Variants in ILRUN observed in about 807,000 individuals in gnomAD.
The protein encoded by ILRUN is protein ILRUN.
ILRUN carries 3 observed loss-of-function variants against 33.8 expected under a neutral mutation model. The ratio of observed to expected loss-of-function variants is 0.09; its 90% CI spans 0.04 to 0.23. The LOEUF (loss-of-function observed/expected upper bound fraction) is 0.23. ILRUN is among the 10% of genes least tolerant of loss of function. ILRUN has a pLI of 1.00. For missense variants in ILRUN, 210 were observed against 375.1 expected (o/e 0.56, Z 3.64); for synonymous variants, 124 against 138.9 (o/e 0.89, Z 0.75).
intron 3 of ILRUN, among the ~76,000 whole-genome samples, chr6:34,641,104 A>G (rs1422166946): frequency 6.7e-6 from 1 of 149,094 alleles, no homozygotes; most frequent in Non-Finnish European, 1.5e-5. Flanking sequence ...AAAACAAATT[A>G]TAGAAACAAC....
intron 3 of ILRUN, among the ~76,000 whole-genome samples, chr6:34,640,052 G>A (rs143162407): frequency 2.6e-5 from 4 of 151,868 alleles, no homozygotes; most frequent in Admixed American, 2.6e-4. Context: ...TATCAAAATC[G>A]AGGAAAAAAA....
At chr6:34,605,049 G>A in intron 4 of ILRUN, among the ~76,000 whole-genome samples, 1 of 152,208 alleles carries the variant, frequency 6.6e-6, no homozygotes, top group East Asian at 1.9e-4. Flanking sequence ...GCTCACGCCT[G>A]TAATCCCAAC....
At chr6:34,639,458 T>C (rs938631512) in intron 3 of ILRUN, among the ~76,000 whole-genome samples, 3 of 152,194 alleles carry the variant, frequency 2.0e-5, no homozygotes, top group African/African-American at 7.2e-5. Context: ...TAGTAGGAGA[T>C]GAAGCATATT....
chr6:34,627,390 G>T (rs1473677815), intron 3 of ILRUN, among the ~76,000 whole-genome samples: 3 of 152,298 alleles, frequency 2.0e-5, no homozygotes, highest in East Asian at 3.9e-4. Flanking sequence ...TTGTGTGAAT[G>T]TAAGTTTTCA....
At chr6:34,617,613 A>T (rs1394764511) in intron 3 of ILRUN, among the ~76,000 whole-genome samples, 1 of 152,140 alleles carries the variant, frequency 6.6e-6, no homozygotes, top group Non-Finnish European at 1.5e-5. Flanking sequence ...GCTCCAGTTC[A>T]TCAGCTTCTC....
chr6:34,694,865 T>C (rs1041259030), intron 1 of ILRUN, among the ~76,000 whole-genome samples: 3 of 151,880 alleles, frequency 2.0e-5, no homozygotes, highest in African/African-American at 7.3e-5. Context: ...CTGACCAATA[T>C]GGTGAAACCC....
At chr6:34,687,131 T>A (rs780952343) in intron 1 of ILRUN, 1 of 154,224 alleles carries the variant, frequency 6.5e-6, no homozygotes, top group Non-Finnish European at 1.4e-5. Context: ...TATTTTATTA[T>A]GAAGACAATA....
chr6:34,693,674 T>A (rs1202079285), intron 1 of ILRUN, among the ~76,000 whole-genome samples: 4 of 148,860 alleles, frequency 2.7e-5, no homozygotes, highest in Non-Finnish European at 6.0e-5. Context: ...TTTATTTTAT[T>A]TTTTTTTTTT....
In ILRUN at chr6:34,676,998, TAAAA is replaced by T. The variant is rs3044899; in HGVS notation, c.158+19444_158+19447del. Reference sequence around the variant, plus strand: ...AAATACATGGGTTTTATGTCACAATTAAAAAAAAAAAAAAAAAAGAATTGAAGGC... The same window carrying T: ...AAATACATGGGTTTTATGTCACAATTAAAAAAAAAAAAAAGAATTGAAGGC... On this transcript the variant is annotated intron_variant, in intron 1 of 4. Coordinates refer to ENST00000374023, the MANE Select transcript of ILRUN (RefSeq NM_024294.4). Among the ~76,000 whole-genome samples the T allele has an allele frequency of 8.8e-3, 1,151 of 131,236 alleles. 20 individuals carry two copies. The highest frequency in any genetic ancestry group is 0.028 in the African/African-American group (1,059 of 37,240). The allele number at this position is 131,236 out of a possible 152,430, so 86.1% of individuals were successfully genotyped here.
rs202177741 is a variant in ILRUN at position 34,683,429 on chromosome 6, CATAT to C, written c.158+13013_158+13016del. On this transcript the variant is annotated intron_variant, in intron 1 of 4. Transcript: ENST00000374023. ...ATACATATATATATACATATATATA[CATAT>C]ATATATACATATATATATACATATA... 1.1e-3 allele frequency among the ~76,000 whole-genome samples: 105 copies of C among 92,064 alleles called. 1 individual carries two copies. The highest frequency in any genetic ancestry group is 4.5e-3 in the East Asian group (18 of 4,040). 60.4% of individuals were successfully genotyped at this position (92,064 alleles called of 152,430 possible). A position where few individuals can be genotyped will look rare whatever the true frequency, so the allele number is the denominator to read the frequency against.
intron 1 of ILRUN, among the ~76,000 whole-genome samples, chr6:34,657,862 A>G (rs979021235): frequency 6.6e-6 from 1 of 152,220 alleles, no homozygotes; most frequent in Non-Finnish European, 1.5e-5. Flanking sequence ...GTAATTCTTC[A>G]TGAAATGGAG....
intron 4 of ILRUN, among the ~76,000 whole-genome samples, chr6:34,591,657 G>A (rs760989134): frequency 3.9e-5 from 6 of 152,060 alleles, no homozygotes; most frequent in Non-Finnish European, 7.4e-5. Context: ...CCGCCAACAC[G>A]CCTGGCTAAT....
intron 3 of ILRUN, among the ~76,000 whole-genome samples, chr6:34,637,211 T>C (rs1011402115): frequency 2.0e-5 from 3 of 152,184 alleles, no homozygotes; most frequent in East Asian, 3.8e-4. Context: ...ACTTTAACTA[T>C]ATCTGGCCTA....
intron 3 of ILRUN, among the ~76,000 whole-genome samples, chr6:34,610,453 T>A (rs1044403322): frequency 3.3e-5 from 5 of 152,224 alleles, no homozygotes; most frequent in African/African-American, 1.2e-4. Flanking sequence ...TCCTTCACTC[T>A]ACTATTTGTT....
chr6:34,641,859 A>G (rs1180272254), intron 3 of ILRUN, among the ~76,000 whole-genome samples: 2 of 152,188 alleles, frequency 1.3e-5, no homozygotes, highest in Non-Finnish European at 2.9e-5. Flanking sequence ...ACAAAATTAA[A>G]TCTAAAAAAA....
Position 34,606,671 on chromosome 6 carries a change from T to G in ILRUN, c.745A>C (p.Thr249Pro), listed in dbSNP as rs200230008. ...SKNTWAPAPDTWAPAPDQTEQ... is the reference protein window; with the variant it reads ...SKNTWAPAPDPWAPAPDQTEQ... Reference sequence around the variant, plus strand: ...GTTTGGTCAGGAGCAGGAGCCCATGTGTCAGGAGCAGGAGCCCATGTGTTT... The same window carrying G: ...GTTTGGTCAGGAGCAGGAGCCCATGGGTCAGGAGCAGGAGCCCATGTGTTT... The change falls in exon 4 of 5, where the codon ACA (threonine) becomes CCA (proline). Residue 249 changes from threonine (T) to proline (P), a missense_variant. This residue lies in a region of ILRUN where 81 missense variants were observed against 97.0 expected (regional missense o/e 0.84). Transcript: ENST00000374023. 8 of 1,612,452 alleles carry G rather than the reference T, an allele frequency of 5.0e-6. No homozygotes were observed. In the African/African-American group the frequency reaches 9.3e-5, roughly 19 times the overall value.
intron 1 of ILRUN, among the ~76,000 whole-genome samples, chr6:34,695,824 G>T (rs1007154730): frequency 6.6e-6 from 1 of 151,796 alleles, no homozygotes; most frequent in Non-Finnish European, 1.5e-5. Flanking sequence ...TAACTCTCAA[G>T]AAAGTCATCT....
chr6:34,657,174 G>A (rs944860881), intron 1 of ILRUN, among the ~76,000 whole-genome samples: 3 of 152,190 alleles, frequency 2.0e-5, no homozygotes, highest in African/African-American at 7.2e-5. Flanking sequence ...TATGTCTACC[G>A]TTTTGAAAAC....
At chr6:34,684,956 G>C (rs1232321524) in intron 1 of ILRUN, among the ~76,000 whole-genome samples, 5 of 152,212 alleles carry the variant, frequency 3.3e-5, no homozygotes, top group Non-Finnish European at 5.9e-5. Context: ...GGCCCTGTTA[G>C]AGGTTTCTAA....
Sources: gnomAD v4.1 joint callset for allele counts (sites outside exome capture counted in the v4.1 genomes callset) on GRCh38, gnomAD v4.1.1 for gene constraint, gnomAD v4.1.1 regional missense constraint, MANE v1.5 for transcripts, NCBI Gene and HGNC (gene_info 2026-07-23, HGNC 2026-07-21) for gene names.